Variants in NSD3 observed in about 807,000 individuals in gnomAD.
NSD3 encodes the protein nuclear receptor binding SET domain protein 3.
A neutral mutation model predicts 160.8 loss-of-function variants in NSD3; 24 were observed. The ratio of observed to expected loss-of-function variants is 0.15; its 90% CI spans 0.11 to 0.21. The LOEUF (loss-of-function observed/expected upper bound fraction) is 0.21. Among genes scored for constraint, NSD3 ranks in the 10% least tolerant of loss-of-function variants. The pLI is 1.00. For missense variants in NSD3, 1,157 were observed against 1,735.9 expected (o/e 0.67, Z 5.93); for synonymous variants, 520 against 600.0 (o/e 0.87, Z 1.95).
chr8:38,315,677 T>TC lies in NSD3; in HGVS notation c.1987-134dup, dbSNP rs1255369689. Reference sequence around the variant, plus strand: ...CAACCACCTTTTTCCTTCCTTTCTTTCCAAAATCCACAGATATCATAGGTC... The same window carrying TC: ...CAACCACCTTTTTCCTTCCTTTCTTTCCCAAAATCCACAGATATCATAGGTC... On this transcript the variant is annotated intron_variant, in intron 10 of 23. Transcript: ENST00000317025. The TC allele has an allele frequency of 1.2e-4, 164 of 1,338,218 alleles. 1 individual carries two copies. The highest frequency in any genetic ancestry group is 1.5e-4 in the Non-Finnish European group (152 of 994,268). 82.9% of individuals were successfully genotyped at this position (1,338,218 alleles called of 1,614,324 possible).
chr8:38,344,355 T>TC (rs1293591114), intron 2 of NSD3, among the ~76,000 whole-genome samples: 3 of 152,164 alleles, frequency 2.0e-5, no homozygotes, highest in African/African-American at 4.8e-5. Context: ...CACTGCAATC[T>TC]CCACCTCCCA....
At chr8:38,315,803 GA>G in intron 10 of NSD3, 108 bp downstream of exon 10, 1 of 1,457,276 alleles carries the variant, frequency 6.9e-7, no homozygotes, top group African/African-American at 1.4e-5. Flanking sequence ...TAAACAAAGT[GA>G]TTTTTTTCTA....
Position 38,375,190 on chromosome 8 carries a change from T to C in NSD3, c.-45+6609A>G, listed in dbSNP as rs1170294067. ...ATGGCTAAAACTGAAACAGTATGAA[T>C]ATTAACAATTTTCATTTTCCTAGTC... On this transcript the variant is annotated intron_variant, in intron 1 of 23. Coordinates refer to ENST00000317025, the MANE Select transcript of NSD3 (RefSeq NM_023034.2). Among the ~76,000 whole-genome samples, 4 of 152,188 alleles carry C rather than the reference T, an allele frequency of 2.6e-5. No homozygotes were observed. The East Asian group carries it at 7.7e-4, about 29-fold the overall frequency.
chr8:38,343,685 A>G (rs950387743), intron 2 of NSD3, among the ~76,000 whole-genome samples: 6 of 152,238 alleles, frequency 3.9e-5, no homozygotes, highest in African/African-American at 1.2e-4. Flanking sequence ...CCTGGGCAAC[A>G]GAGTGAGATT....
At chr8:38,337,177 T>C in intron 4 of NSD3, 128 bp downstream of exon 4, 1 of 881,914 alleles carries the variant, frequency 1.1e-6, no homozygotes, top group East Asian at 3.3e-5. Context: ...TCCACAAAAC[T>C]GATACGGATA....
intron 19 of NSD3, among the ~76,000 whole-genome samples, chr8:38,286,790 T>A (rs1282364845): frequency 6.6e-6 from 1 of 152,178 alleles, no homozygotes; most frequent in Non-Finnish European, 1.5e-5. Context: ...TGGAGCACAC[T>A]GCAGCCTTTA....
chr8:38,296,086 T>A, intron 15 of NSD3, 134 bp from the exon 16 acceptor site: 1 of 890,088 alleles, frequency 1.1e-6, no homozygotes, highest in South Asian at 1.9e-5. Flanking sequence ...CTGAGTCATA[T>A]CTACAGTGAT....
chr8:38,288,024 A>G lies in NSD3; in HGVS notation c.3501+463T>C, dbSNP rs1162822547. ...CAAGGCAGGAGAATTGCTTGAGTCC[A>G]GGAGTTTGAGACCAGCCTGGGCAAT... On this transcript the variant is annotated intron_variant, in intron 19 of 23. Coordinates refer to ENST00000317025, the MANE Select transcript of NSD3 (RefSeq NM_023034.2). The surrounding 1 kb of genome is among the most constrained non-coding windows in gnomAD (Gnocchi z 4.5). Among the ~76,000 whole-genome samples, 2 of 152,016 alleles carry G rather than the reference A, an allele frequency of 1.3e-5. No homozygotes were observed. The highest frequency in any genetic ancestry group is 2.9e-5 in the Non-Finnish European group (2 of 67,996).
intron 4 of NSD3, among the ~76,000 whole-genome samples, chr8:38,334,171 T>C (rs1810146459): frequency 1.3e-5 from 2 of 152,218 alleles, no homozygotes; most frequent in East Asian, 3.8e-4. Flanking sequence ...CTATACTATA[T>C]AGCCATAAAT....
intron 14 of NSD3, among the ~76,000 whole-genome samples, chr8:38,302,003 GA>G (rs1809288714): frequency 6.6e-6 from 1 of 152,228 alleles, no homozygotes; most frequent in Non-Finnish European, 1.5e-5. Flanking sequence ...GCACTACACT[GA>G]AAAATGTCCG....
At chr8:38,311,586 A>G (rs191151969) in intron 12 of NSD3, among the ~76,000 whole-genome samples, 87 of 152,262 alleles carry the variant, frequency 5.7e-4, no homozygotes, top group African/African-American at 1.7e-3. Flanking sequence ...TCAGCCTCCC[A>G]AAGTGCCGGT....
At chr8:38,305,106 G>A in intron 13 of NSD3, 142 bp downstream of exon 13, 2 of 806,904 alleles carry the variant, frequency 2.5e-6, no homozygotes, top group South Asian at 3.6e-5. Flanking sequence ...AACATGTACT[G>A]TGTATGTACT....
Position 38,277,511 on chromosome 8 carries a change from T to C in NSD3, c.3867+795A>G, listed in dbSNP as rs111590455. On this transcript the variant is annotated intron_variant, in intron 22 of 23. Coordinates refer to ENST00000317025, the MANE Select transcript of NSD3 (RefSeq NM_023034.2). ...CAGGCTGGTCTTAAAACTCCTGACC[T>C]TGTGATCCACCGGCCTCAGCCTCCC... is the stretch of plus-strand genomic sequence containing the variant. 9.4e-3 allele frequency among the ~76,000 whole-genome samples: 1,425 copies of C among 152,052 alleles called. 7 individuals carry two copies. The highest frequency in any genetic ancestry group is 0.016 in the Non-Finnish European group (1,109 of 67,960).
At chr8:38,328,032 T>A (rs116919107) in intron 6 of NSD3, among the ~76,000 whole-genome samples, 2,227 of 152,084 alleles carry the variant, frequency 0.015, 23 homozygotes, top group Non-Finnish European at 0.024. Flanking sequence ...TGAGACCCTG[T>A]CTCTACAAAA....
chr8:38,289,310 A>G (rs1808940739), intron 18 of NSD3, 83 bp downstream of exon 18: 10 of 1,302,914 alleles, frequency 7.7e-6, no homozygotes, highest in Non-Finnish European at 1.1e-5. Flanking sequence ...CGTCTCATCT[A>G]TTAAATAACA....
Position 38,318,170 on chromosome 8 carries a change from G to T in NSD3, c.1855+725C>A. On this transcript the variant is annotated intron_variant, in intron 9 of 23. Transcript: ENST00000317025. The surrounding 1 kb of genome is among the most constrained non-coding windows in gnomAD (Gnocchi z 5.3). ...CAGTTCTGCTGAGGATCTCCACGGA[G>T]ACCATCGCTGCAGACTTCTCCCCGA... The T allele has an allele frequency of 9.9e-7, 1 of 1,005,522 alleles. No individual in the cohort carries two copies. The highest frequency in any genetic ancestry group is 1.4e-6 in the Non-Finnish European group (1 of 691,160). 62.3% of individuals were successfully genotyped at this position (1,005,522 alleles called of 1,614,324 possible). A position where few individuals can be genotyped will look rare whatever the true frequency, so the allele number is the denominator to read the frequency against.
chr8:38,323,597 C>T (rs1465094434), intron 7 of NSD3, among the ~76,000 whole-genome samples: 1 of 152,040 alleles, frequency 6.6e-6, no homozygotes, highest in African/African-American at 2.4e-5. Flanking sequence ...ACAGGAGGAT[C>T]GTTTGAGCCC....
intron 1 of NSD3, chr8:38,380,664 G>A (rs1241378556): frequency 1.3e-5 from 2 of 152,256 alleles, no homozygotes; most frequent in African/African-American, 4.8e-5. Context: ...CATCAAAAAG[G>A]TAGTGATGGA....
In NSD3 at chr8:38,318,134, G is replaced by A; in HGVS notation, c.1855+761C>T. On this transcript the variant is annotated intron_variant, in intron 9 of 23. Transcript: ENST00000317025. The surrounding 1 kb of genome is among the most constrained non-coding windows in gnomAD (Gnocchi z 5.3). Reference sequence around the variant, plus strand: ...AGCTCCGCCAAGCAGTGTTCCCTCCGAGAGGCTGTTCAGTTCTGCTGAGGA... The same window carrying A: ...AGCTCCGCCAAGCAGTGTTCCCTCCAAGAGGCTGTTCAGTTCTGCTGAGGA... 6.9e-7 allele frequency: 1 copy of A among 1,451,696 alleles called. No individual in the cohort carries two copies. The highest frequency in any genetic ancestry group is 9.4e-7 in the Non-Finnish European group (1 of 1,060,024). The allele number at this position is 1,451,696 out of a possible 1,614,324, so 89.9% of individuals were successfully genotyped here. A position where few individuals can be genotyped will look rare whatever the true frequency, so the allele number is the denominator to read the frequency against.
Sources: allele counts gnomAD v4.1 joint callset (sites outside exome capture counted in the v4.1 genomes callset), GRCh38; gene constraint gnomAD v4.1.1; non-coding constraint Gnocchi (gnomAD v3.1); transcripts MANE v1.5; gene names NCBI Gene and HGNC (gene_info 2026-07-23, HGNC 2026-07-21).